SHPRH: variants seen among roughly 807,000 people sequenced by gnomAD.
SHPRH encodes SNF2 histone linker PHD RING helicase, also known as E3 ubiquitin-protein ligase SHPRH.
SHPRH carries 106 observed loss-of-function variants against 202.5 expected under a neutral mutation model. The ratio of observed to expected loss-of-function variants is 0.52; its 90% CI spans 0.45 to 0.62. The LOEUF is 0.62. Among genes scored for constraint, SHPRH ranks in the 20% least tolerant of loss-of-function variants. The probability of loss-of-function intolerance (pLI) is 0.00; values close to 1 mark genes in which losing one functional copy is unlikely to be tolerated. For synonymous variants in SHPRH, 729 were observed against 686.0 expected (o/e 1.06, Z -0.98); for missense variants, 1,710 against 2,020.0 (o/e 0.85, Z 2.94).
At chr6:145,957,309 A>G (rs1396751212) in intron 1 of SHPRH, among the ~76,000 whole-genome samples, 1 of 152,148 alleles carries the variant, frequency 6.6e-6, no homozygotes, top group Non-Finnish European at 1.5e-5. Context: ...AGGCACAAAA[A>G]TTTTTAAGCA....
chr6:145,912,946 A>G (rs900040790), intron 24 of SHPRH, among the ~76,000 whole-genome samples: 11 of 152,138 alleles, frequency 7.2e-5, no homozygotes, highest in African/African-American at 2.4e-4. Context: ...CCATGTTTAT[A>G]GACATTATGT....
At chr6:145,931,248 T>C (rs559033954) in intron 14 of SHPRH, among the ~76,000 whole-genome samples, 5 of 152,268 alleles carry the variant, frequency 3.3e-5, no homozygotes, top group African/African-American at 9.6e-5. Context: ...ACTGATAAGC[T>C]TGTTTTTAAA....
intron 8 of SHPRH, 58 bp downstream of exon 8, chr6:145,945,323 A>C (rs1787250109): frequency 3.1e-5 from 47 of 1,526,246 alleles, no homozygotes; most frequent in Non-Finnish European, 4.0e-5. Flanking sequence ...CTGTCAATGT[A>C]CTCAGTAAGG....
chr6:145,871,205 C>T (rs1023639163), intron 2 of SHPRH: 11 of 152,088 alleles, frequency 7.2e-5, no homozygotes, highest in South Asian at 2.1e-4. Context: ...GTTATGGCCA[C>T]GGCAATCGGG....
intron 2 of SHPRH, among the ~76,000 whole-genome samples, chr6:145,867,621 T>TAGAG (rs1228047772): frequency 2.4e-4 from 17 of 70,008 alleles, no homozygotes; most frequent in Non-Finnish European, 3.4e-4. Context: ...TATATATATA[T>TAGAG]ATATATATAT....
chr6:145,960,379 A>G (rs1294262094), intron 1 of SHPRH, among the ~76,000 whole-genome samples: 2 of 152,230 alleles, frequency 1.3e-5, no homozygotes, highest in Non-Finnish European at 2.9e-5. Flanking sequence ...CATGGCAAAG[A>G]GCATGGATAT....
intron 25 of SHPRH, 104 bp downstream of exon 25, chr6:145,910,344 T>C: frequency 7.6e-7 from 1 of 1,310,494 alleles, no homozygotes; most frequent in Non-Finnish European, 1.1e-6. Context: ...CGTCTACCTA[T>C]TCACTGTCAA....
intron 13 of SHPRH, among the ~76,000 whole-genome samples, chr6:145,933,632 G>A (rs1303424751): frequency 6.6e-6 from 1 of 152,098 alleles, no homozygotes; most frequent in Non-Finnish European, 1.5e-5. Flanking sequence ...ATTGTTTTCG[G>A]ACTCTAACTG....
At chr6:145,874,366 G>C (rs2128693960) in intron 2 of SHPRH, among the ~76,000 whole-genome samples, 1 of 152,136 alleles carries the variant, frequency 6.6e-6, no homozygotes, top group African/African-American at 2.4e-5. Context: ...TGATAGGCTG[G>C]AAGAACAATG....
chr6:145,898,310 T>C (rs1782188685), intron 25 of SHPRH, among the ~76,000 whole-genome samples: 1 of 152,064 alleles, frequency 6.6e-6, no homozygotes, highest in Admixed American at 6.6e-5. Flanking sequence ...CACTGAAAAC[T>C]ATGAAACATT....
In SHPRH at chr6:145,941,807, A is replaced by G. The variant is rs368589526; in HGVS notation, c.2306T>C (p.Ile769Thr). 9.9e-6 allele frequency: 16 copies of G among 1,613,904 alleles called. No individual in the cohort carries two copies. In the African/African-American group the frequency reaches 2.0e-4, roughly 20 times the overall value. Reference protein sequence around the residue: ...PHFLAEQDIVIITYDVLRSEL... With the variant: ...PHFLAEQDIVTITYDVLRSEL... ...TGAACGCAGTACATCATAGGTAATG[A>G]TAACTATATCCTGTTCTGCCAAAAA... Residue 769 changes from isoleucine to threonine, a missense_variant, in exon 10 of 30, where the codon ATC (isoleucine) becomes ACC (threonine). By Grantham distance (89) the Ile-to-Thr change is moderately conservative (BLOSUM62 -1). Coordinates refer to ENST00000275233, the MANE Select transcript of SHPRH (RefSeq NM_001042683.3).
intron 6 of SHPRH, 29 bp downstream of exon 6, chr6:145,947,464 C>T (rs1787511319): frequency 6.2e-7 from 1 of 1,603,626 alleles, no homozygotes; most frequent in African/African-American, 1.3e-5. Flanking sequence ...ATGTCCCCTG[C>T]TTTTGCAAGC....
At chr6:145,918,317 C>A in intron 22 of SHPRH, 85 bp from the exon 23 acceptor site, 1 of 827,344 alleles carries the variant, frequency 1.2e-6, no homozygotes, top group Non-Finnish European at 1.7e-6. Context: ...TCCAGTAATA[C>A]AAATGTATTG....
chr6:145,955,043 G>C lies in SHPRH; in HGVS notation c.280C>G (p.Pro94Ala). ...ACAATATTTAACTTTACAGACAAAG[G>C]GGAAAAAATACCAACAGTCTCTTCT... is the stretch of plus-strand genomic sequence containing the variant. ...EKEETVGIFSPLSVKLNIVIS... is the reference protein window; with the variant it reads ...EKEETVGIFSALSVKLNIVIS... The change falls in exon 2 of 30, where the codon CCT becomes GCT. Residue 94 changes from proline to alanine, a missense_variant. Transcript: ENST00000275233. The C allele has an allele frequency of 6.2e-7, 1 of 1,613,052 alleles. No individual in the cohort carries two copies. Among genetic ancestry groups the C allele is most frequent in the Non-Finnish European group, 8.5e-7 (1 of 1,179,874 alleles).
intron 28 of SHPRH, among the ~76,000 whole-genome samples, chr6:145,892,438 G>C (rs757818647): frequency 6.6e-6 from 1 of 152,104 alleles, no homozygotes; most frequent in Non-Finnish European, 1.5e-5. Context: ...GTACTACACA[G>C]TGACCTCCTT....
chr6:145,947,419 G>C, intron 6 of SHPRH, 74 bp downstream of exon 6: 1 of 1,499,250 alleles, frequency 6.7e-7, no homozygotes, highest in Non-Finnish European at 9.0e-7. Flanking sequence ...TAAGTGCCAA[G>C]CAAATGTTCA....
intron 23 of SHPRH, 135 bp from the exon 24 acceptor site, chr6:145,913,684 C>T (rs1783696396): frequency 6.7e-6 from 4 of 597,720 alleles, no homozygotes; most frequent in East Asian, 6.1e-5. Context: ...GATGACCCAT[C>T]GATCTCTATA....
At chr6:145,951,754 T>C (rs753086810) in intron 3 of SHPRH, 11 of 455,372 alleles carry the variant, frequency 2.4e-5, no homozygotes, top group African/African-American at 6.0e-5. Flanking sequence ...AGTATGACAA[T>C]GTTCTATAAT....
At chr6:145,942,507 T>C (rs553781242) in intron 9 of SHPRH, among the ~76,000 whole-genome samples, 4 of 152,294 alleles carry the variant, frequency 2.6e-5, no homozygotes, top group African/African-American at 9.6e-5. Flanking sequence ...TCCATGCCTA[T>C]GTAAAGTGGA....
Sources: allele counts gnomAD v4.1 joint callset (sites outside exome capture counted in the v4.1 genomes callset), GRCh38; gene constraint gnomAD v4.1.1; transcripts MANE v1.5; gene names NCBI Gene and HGNC (gene_info 2026-07-23, HGNC 2026-07-21).